The following REV3L variants were observed in gnomAD, a reference collection of about 807,000 sequenced individuals.
The protein encoded by REV3L is REV3 like, DNA directed polymerase zeta catalytic subunit.
In REV3L, 69 loss-of-function variants were observed where a neutral mutation model predicts 299.4. That is an observed-to-expected ratio of 0.23 (90% confidence interval 0.19 to 0.28). The LOEUF is 0.28. REV3L is among the 10% of genes least tolerant of loss of function. The pLI is 1.00. For missense variants in REV3L, 3,128 were observed against 3,693.8 expected, an observed-to-expected ratio of 0.85 and a Z score of 3.97; for synonymous variants, 1,238 against 1,271.4, an observed-to-expected ratio of 0.97 and a Z score of 0.56.
chr6:111,363,004 T>C (rs1312458801), intron 16 of REV3L, among the ~76,000 whole-genome samples: 1 of 152,210 alleles, frequency 6.6e-6, no homozygotes, highest in Non-Finnish European at 1.5e-5. Context: ...CAGTCAGATA[T>C]GTGCTTTGAG....
At chr6:111,396,991 T>C (rs1782581794) in intron 4 of REV3L, among the ~76,000 whole-genome samples, 1 of 152,168 alleles carries the variant, frequency 6.6e-6, no homozygotes, top group African/African-American at 2.4e-5. Flanking sequence ...TCCTTTTTCA[T>C]GTCTAATTTT....
At chr6:111,348,602 C>A (rs460594) in intron 20 of REV3L, among the ~76,000 whole-genome samples, 8 of 151,976 alleles carry the variant, frequency 5.3e-5, no homozygotes, top group South Asian at 2.1e-4. Context: ...AAATGACTTC[C>A]GTGAAAAAAA....
intron 19 of REV3L, 104 bp downstream of exon 19, chr6:111,351,572 C>T (rs1258534469): frequency 1.4e-6 from 1 of 701,032 alleles, no homozygotes; most frequent in South Asian, 2.1e-5. Context: ...CAACTTAGTA[C>T]TAAAAAATTG....
chr6:111,367,163 G>T lies in REV3L; in HGVS notation c.6625C>A (p.Leu2209Ile). The change falls in exon 14 of 32, where the codon CTT (leucine) becomes ATT (isoleucine). Residue 2209 changes from leucine to isoleucine, a missense_variant. By Grantham distance (5) the Leu-to-Ile change is conservative. Transcript: ENST00000368802. Reference protein sequence around the residue: ...FHSTPIIQRKLLERLPEAPGL... With the variant: ...FHSTPIIQRKILERLPEAPGL... ...GGTGCTTCAGGAAGCCTTTCCAGAA[G>T]TTTTCTCTGTATGATTGGTGTACTA... 1 of 1,609,694 alleles carries T rather than the reference G, an allele frequency of 6.2e-7. No individual in the cohort carries two copies. Among genetic ancestry groups the T allele is most frequent in the East Asian group, 2.2e-5 (1 of 44,852 alleles).
At chr6:111,343,503 A>G (rs545835797) in intron 21 of REV3L, among the ~76,000 whole-genome samples, 2 of 152,302 alleles carry the variant, frequency 1.3e-5, no homozygotes, top group East Asian at 3.9e-4. Flanking sequence ...TGCATTTTTC[A>G]AAGTCATTGA....
rs537510820 is a variant in REV3L at position 111,365,537 on chromosome 6, T to C, written c.6674-193A>G. On this transcript the variant is annotated intron_variant, in intron 14 of 31. Transcript: ENST00000368802. Reference sequence around the variant, plus strand: ...ACCAAAATAACATTTTGACATTTTGTATTTTAAATGTTTATGTTTTAATTA... The same window carrying C: ...ACCAAAATAACATTTTGACATTTTGCATTTTAAATGTTTATGTTTTAATTA... Among the ~76,000 whole-genome samples, 4 of 152,278 alleles carry C rather than the reference T, an allele frequency of 2.6e-5. No individual in the cohort carries two copies. In the East Asian group the frequency reaches 5.8e-4, roughly 22 times the overall value.
chr6:111,368,831 C>A (rs1022416796), intron 13 of REV3L, among the ~76,000 whole-genome samples: 1 of 152,090 alleles, frequency 6.6e-6, no homozygotes, highest in African/African-American at 2.4e-5. Flanking sequence ...AAAGTTAATT[C>A]ATAGTTTTTT....
At position 111,389,939 on chromosome 6, in the gene REV3L, A is replaced by G. The variant is rs1337878867; in HGVS notation, c.757+147T>C. The G allele has an allele frequency of 6.1e-6, 3 of 495,800 alleles. No individual in the cohort carries two copies. The South Asian group carries it at 7.3e-5, about 12-fold the overall frequency. 30.7% of individuals were successfully genotyped at this position (495,800 alleles called of 1,614,324 possible). A position where few individuals can be genotyped will look rare whatever the true frequency, so the allele number is the denominator to read the frequency against. On this transcript the variant is annotated intron_variant, in intron 6 of 31. Transcript: ENST00000368802. Reference sequence around the variant, plus strand: ...ATTTTAGTAGAGACGGGGTTTCACCATGTTGGCCAGGATGGTCTCGATCTG... The same window carrying G: ...ATTTTAGTAGAGACGGGGTTTCACCGTGTTGGCCAGGATGGTCTCGATCTG...
At chr6:111,413,283 C>T (rs1168690633) in intron 2 of REV3L, among the ~76,000 whole-genome samples, 1 of 151,930 alleles carries the variant, frequency 6.6e-6, no homozygotes. Flanking sequence ...CAGGGAGACT[C>T]TTTGGGGGAA....
chr6:111,299,947 C>T lies in REV3L; in HGVS notation c.*69G>A. 6.9e-7 allele frequency: 1 copy of T among 1,440,656 alleles called. No individual in the cohort carries two copies. Among genetic ancestry groups the T allele is most frequent in the East Asian group, 2.4e-5 (1 of 41,738 alleles). The allele number at this position is 1,440,656 out of a possible 1,614,324, so 89.2% of individuals were successfully genotyped here. A position where few individuals can be genotyped will look rare whatever the true frequency, so the allele number is the denominator to read the frequency against. On this transcript the variant is annotated 3_prime_UTR_variant, in exon 32 of 32. Coordinates refer to ENST00000368802, the MANE Select transcript of REV3L (RefSeq NM_001372078.1). The stretch of plus-strand genomic sequence containing the variant: ...CCTTGACTCGATGAAAGTTAAAAAG[C>T]ACCATGCACAACAGTTTAGTGGTAA...
rs376302136 is a variant in REV3L at position 111,374,892 on chromosome 6, C to T, written c.3463G>A (p.Val1155Ile). The change falls in exon 13 of 32, where the codon GTA (valine) becomes ATA (isoleucine). Residue 1155 changes from valine to isoleucine, a missense_variant. Val to Ile is a conservative substitution (Grantham distance 29, BLOSUM62 3). Transcript: ENST00000368802. ...CGAGAATTAACAGTCTTCTTATATA[C>T]ATTAGGACCCTTAAAAAGCATTGCC... ...KEAMLFKGPN[V>I]YKKTVNSRIG... The T allele has an allele frequency of 6.8e-6, 11 of 1,613,758 alleles. No individual in the cohort carries two copies. The highest frequency in any genetic ancestry group is 2.2e-5 in the East Asian group (1 of 44,874).
chr6:111,318,800 C>A (rs1426464082), intron 26 of REV3L, among the ~76,000 whole-genome samples: 1 of 151,914 alleles, frequency 6.6e-6, no homozygotes, highest in Non-Finnish European at 1.5e-5. Flanking sequence ...GAACTCCCGA[C>A]CTCAGGTGAT....
chr6:111,394,849 T>C (rs943811638), intron 4 of REV3L, among the ~76,000 whole-genome samples: 4 of 151,964 alleles, frequency 2.6e-5, no homozygotes, highest in African/African-American at 9.7e-5. Context: ...GCAACAGGCA[T>C]GCACCATCGT....
At chr6:111,304,371 A>G (rs569363479) in intron 31 of REV3L, among the ~76,000 whole-genome samples, 20 of 146,170 alleles carry the variant, frequency 1.4e-4, no homozygotes, top group Non-Finnish European at 2.4e-4. Context: ...AATGTTTACA[A>G]TTTCCATAAT....
At chr6:111,355,269 TACTC>T (rs947349883) in intron 18 of REV3L, among the ~76,000 whole-genome samples, 1 of 152,148 alleles carries the variant, frequency 6.6e-6, no homozygotes, top group Non-Finnish European at 1.5e-5. Flanking sequence ...AACATTTATG[TACTC>T]ACTATGTGCC....
Position 111,482,911 on chromosome 6 carries a change from T to C in REV3L, c.-23A>G. 6.6e-7 allele frequency: 1 copy of C among 1,506,216 alleles called. No homozygotes were observed. Among genetic ancestry groups the C allele is most frequent in the Non-Finnish European group, 8.8e-7 (1 of 1,137,828 alleles). The allele number at this position is 1,506,216 out of a possible 1,614,324, so 93.3% of individuals were successfully genotyped here. On this transcript the variant is annotated 5_prime_UTR_variant, in exon 1 of 32. Coordinates refer to ENST00000368802, the MANE Select transcript of REV3L (RefSeq NM_001372078.1). Reference sequence around the variant, plus strand: ...CATGTTCGCCGCCGCCGCCACTGCCTCCCTTCACTGGCGACCCGGCAGCGG... The same window carrying C: ...CATGTTCGCCGCCGCCGCCACTGCCCCCCTTCACTGGCGACCCGGCAGCGG...
At chr6:111,394,086 T>TA (rs1782221234) in intron 4 of REV3L, among the ~76,000 whole-genome samples, 1 of 152,196 alleles carries the variant, frequency 6.6e-6, no homozygotes, top group Non-Finnish European at 1.5e-5. Context: ...AGTGCTGCAA[T>TA]AAACATGGGG....
chr6:111,447,227 C>T (rs909877689), intron 1 of REV3L, among the ~76,000 whole-genome samples: 1 of 152,208 alleles, frequency 6.6e-6, no homozygotes, highest in Non-Finnish European at 1.5e-5. Context: ...AGCCTTTAGC[C>T]TCTTGCCAAA....
At chr6:111,457,025 T>G (rs907413384) in intron 1 of REV3L, among the ~76,000 whole-genome samples, 2 of 152,136 alleles carry the variant, frequency 1.3e-5, no homozygotes, top group African/African-American at 4.8e-5. Context: ...GTCTTAAATA[T>G]TTTATGCATT....
Sources: gnomAD v4.1 joint callset for allele counts (sites outside exome capture counted in the v4.1 genomes callset) on GRCh38, gnomAD v4.1.1 for gene constraint, MANE v1.5 for transcripts, NCBI Gene and HGNC (gene_info 2026-07-23, HGNC 2026-07-21) for gene names.